The following UBTD2 variants were observed in gnomAD, a reference collection of about 807,000 sequenced individuals.
UBTD2 encodes the protein ubiquitin domain-containing protein 2.
UBTD2 carries 9 observed loss-of-function variants against 19.8 expected under a neutral mutation model. The observed-to-expected ratio is 0.46, with a 90% CI of 0.27 to 0.79. The LOEUF is 0.79. Ranked by LOEUF, UBTD2 falls within the 30% of genes least tolerant of loss-of-function variation. The probability of loss-of-function intolerance (pLI) is 0.14; values close to 1 mark genes in which losing one functional copy is unlikely to be tolerated. For missense variants in UBTD2, 250 were observed against 300.4 expected (o/e 0.83, Z 1.24); for synonymous variants, 98 against 103.9 (o/e 0.94, Z 0.35).
At chr5:172,243,948 C>T (rs969244529) in intron 1 of UBTD2, among the ~76,000 whole-genome samples, 1 of 152,006 alleles carries the variant, frequency 6.6e-6, no homozygotes. Context: ...AAGAATGACT[C>T]CGGAGGCAAA....
rs1755766073 is a variant in UBTD2 at position 172,283,470 on chromosome 5, A to C, written c.70+126T>G. The C allele has an allele frequency of 1.5e-6, 1 of 681,290 alleles. No homozygotes were observed. Among genetic ancestry groups the C allele is most frequent in the Non-Finnish European group, 2.0e-6 (1 of 494,690 alleles). The allele number at this position is 681,290 out of a possible 1,614,324, so 42.2% of individuals were successfully genotyped here. A position where few individuals can be genotyped will look rare whatever the true frequency, so the allele number is the denominator to read the frequency against. ...GGACAGCCGGAAGCGGAGCGCGGGG[A>C]ATGACGTGGAAGAGGGGATGACAAA... On this transcript the variant is annotated intron_variant, in intron 1 of 2. Transcript: ENST00000393792. This position sits in a 1 kb window ranked among gnomAD's most constrained non-coding sequence, Gnocchi z 4.3.
chr5:172,212,638 A>G, intron 2 of UBTD2, among the ~76,000 whole-genome samples: 1 of 152,192 alleles, frequency 6.6e-6, no homozygotes, highest in Admixed American at 6.5e-5. Flanking sequence ...TCAATTCACC[A>G]CAAGTGTTCC....
rs1451567654 is a variant in UBTD2, at chr5:172,210,031, A to C, written c.*1799T>G. ...GAACAAAAACTTTGATGACAGGAGC[A>C]ATATACTGATTTACCCTAATATCTC... On this transcript the variant is annotated 3_prime_UTR_variant, in exon 3 of 3. Coordinates refer to ENST00000393792, the MANE Select transcript of UBTD2 (RefSeq NM_152277.3). 6.6e-6 allele frequency: 1 copy of C among 152,208 alleles called. No individual in the cohort carries two copies. Among genetic ancestry groups the C allele is most frequent in the Non-Finnish European group, 1.5e-5 (1 of 68,036 alleles). The allele number at this position is 152,208 out of a possible 1,614,324, so 9.4% of individuals were successfully genotyped here.
intron 1 of UBTD2, among the ~76,000 whole-genome samples, chr5:172,249,714 C>T (rs1754952211): frequency 6.6e-6 from 1 of 152,018 alleles, no homozygotes; most frequent in African/African-American, 2.4e-5. Context: ...CAAACTAAAT[C>T]TAAATGCATA....
intron 2 of UBTD2, among the ~76,000 whole-genome samples, chr5:172,219,016 G>A (rs1279225117): frequency 6.6e-6 from 1 of 151,996 alleles, no homozygotes; most frequent in Admixed American, 6.6e-5. Context: ...ACAACTCTAT[G>A]CCTACACATT....
intron 1 of UBTD2, among the ~76,000 whole-genome samples, chr5:172,275,901 GTAT>G (rs1755596929): frequency 6.6e-6 from 1 of 152,104 alleles, no homozygotes; most frequent in Non-Finnish European, 1.5e-5. Context: ...CATAAACATG[GTAT>G]TATTTTACTT....
chr5:172,259,286 G>C (rs1478639935), intron 1 of UBTD2, among the ~76,000 whole-genome samples: 1 of 152,004 alleles, frequency 6.6e-6, no homozygotes, highest in Non-Finnish European at 1.5e-5. Flanking sequence ...GGGACTACAG[G>C]TACCCACCAC....
intron 1 of UBTD2, among the ~76,000 whole-genome samples, chr5:172,242,900 T>C: frequency 6.6e-6 from 1 of 152,194 alleles, no homozygotes; most frequent in Admixed American, 6.5e-5. Context: ...CCCTTTTTAG[T>C]AGTAGTAAGG....
At chr5:172,222,460 T>C (rs966125428) in intron 2 of UBTD2, among the ~76,000 whole-genome samples, 1 of 152,192 alleles carries the variant, frequency 6.6e-6, no homozygotes, top group Non-Finnish European at 1.5e-5. Flanking sequence ...GAACCAAGAC[T>C]GTCCCTGATC....
chr5:172,280,214 TA>T (rs896521556), intron 1 of UBTD2, among the ~76,000 whole-genome samples: 25 of 128,328 alleles, frequency 1.9e-4, no homozygotes, highest in Admixed American at 2.4e-4. Context: ...AAGTAGGCAT[TA>T]AAAAAAAAAG....
intron 1 of UBTD2, among the ~76,000 whole-genome samples, chr5:172,247,980 C>CTAG (rs1440340397): frequency 6.6e-6 from 1 of 152,100 alleles, no homozygotes; most frequent in Non-Finnish European, 1.5e-5. Flanking sequence ...ACAAAGTTAT[C>CTAG]TTCTATGATT....
intron 2 of UBTD2, among the ~76,000 whole-genome samples, chr5:172,232,316 T>TAA (rs10558751): frequency 0.017 from 2,198 of 131,988 alleles, 52 homozygotes; most frequent in African/African-American, 0.056. Context: ...CTCACTGTCA[T>TAA]AAAAAAAAAA....
intron 1 of UBTD2, among the ~76,000 whole-genome samples, chr5:172,268,333 G>C (rs987050020): frequency 1.1e-4 from 16 of 152,090 alleles, no homozygotes; most frequent in African/African-American, 2.9e-4. Context: ...AAGAGAAGTG[G>C]GCAGAGTGTG....
chr5:172,212,063 G>A lies in UBTD2; in HGVS notation c.472C>T (p.Leu158Phe), dbSNP rs1459707912. Residue 158 changes from leucine to phenylalanine, a missense_variant, in exon 3 of 3, where the codon CTT becomes TTT. Physicochemically the swap from Leu to Phe is conservative, Grantham distance 22 (BLOSUM62 0). Transcript: ENST00000393792. Reference sequence around the variant, plus strand: ...AGCTTGAGGTCTTTGCCTGTGGAAAGGCGCAAACGAAGCTGACATTCATAT... The same window carrying A: ...AGCTTGAGGTCTTTGCCTGTGGAAAAGCGCAAACGAAGCTGACATTCATAT... The part of the protein sequence containing the change: ...SGYECQLRLR[L>F]STGKDLKLVV... 2.5e-6 allele frequency: 4 copies of A among 1,614,084 alleles called. No homozygotes were observed. Among genetic ancestry groups the A allele is most frequent in the African/African-American group, 1.3e-5 (1 of 74,936 alleles).
rs2113141085 is a variant in UBTD2 at position 172,278,437 on chromosome 5, T to C, written c.70+5159A>G. Among the ~76,000 whole-genome samples, 5 of 152,020 alleles carry C rather than the reference T, an allele frequency of 3.3e-5. No homozygotes were observed. In the Middle Eastern group the frequency reaches 0.01, roughly 310 times the overall value. ...GGAGGGCTGAGACAGGAGAATCGCT[T>C]GAACCTGGGAGGTAGAGGTTGCAGC... On this transcript the variant is annotated intron_variant, in intron 1 of 2. Transcript: ENST00000393792.
chr5:172,258,140 T>C (rs529042254), intron 1 of UBTD2, among the ~76,000 whole-genome samples: 28 of 152,348 alleles, frequency 1.8e-4, no homozygotes, highest in African/African-American at 6.5e-4. Context: ...AAGTTTTACA[T>C]TTAAGTCTTC....
intron 2 of UBTD2, among the ~76,000 whole-genome samples, chr5:172,215,833 C>A (rs1364592379): frequency 3.9e-5 from 6 of 152,054 alleles, no homozygotes; most frequent in Non-Finnish European, 5.9e-5. Context: ...TAACTGAACA[C>A]GAATGAGGAA....
chr5:172,217,492 T>C (rs1024050295), intron 2 of UBTD2, among the ~76,000 whole-genome samples: 5 of 152,000 alleles, frequency 3.3e-5, no homozygotes, highest in African/African-American at 7.3e-5. Context: ...TTTTTTTTCT[T>C]ATTTACTTTT....
chr5:172,263,749 C>T (rs925882698), intron 1 of UBTD2, among the ~76,000 whole-genome samples: 2 of 151,988 alleles, frequency 1.3e-5, no homozygotes, highest in African/African-American at 2.4e-5. Flanking sequence ...GCCGAGATCG[C>T]GCCACTGCAC....
Sources: allele counts gnomAD v4.1 joint callset (sites outside exome capture counted in the v4.1 genomes callset), GRCh38; gene constraint gnomAD v4.1.1; non-coding constraint Gnocchi (gnomAD v3.1); transcripts MANE v1.5; gene names NCBI Gene and HGNC (gene_info 2026-07-23, HGNC 2026-07-21).